EPB41: variants seen among roughly 807,000 people sequenced by gnomAD.
The protein encoded by EPB41 is protein 4.1.
Under a neutral mutation model 108.0 loss-of-function variants are expected in EPB41, and 65 were observed. That is an observed-to-expected ratio of 0.60 (90% CI 0.49 to 0.74). The LOEUF is 0.74. Ranked by LOEUF, EPB41 falls within the 30% of genes least tolerant of loss-of-function variation. The pLI is 0.00. For missense variants in EPB41, 875 were observed against 1,037.0 expected (o/e 0.84, Z 2.15); for synonymous variants, 336 against 358.9 (o/e 0.94, Z 0.72).
intron 1 of EPB41, among the ~76,000 whole-genome samples, chr1:28,915,235 G>T (rs115338907): frequency 6.6e-4 from 101 of 152,294 alleles, no homozygotes; most frequent in Non-Finnish European, 1.0e-3. Context: ...ACTGCAGGGA[G>T]CCCTGGCAAG....
intron 1 of EPB41, among the ~76,000 whole-genome samples, chr1:28,976,725 A>G (rs938335290): frequency 1.3e-5 from 2 of 151,728 alleles, no homozygotes; most frequent in African/African-American, 4.8e-5. Context: ...CTATTCAGCT[A>G]GTCTGGAATT....
rs746718791 is a variant in EPB41 at position 29,018,464 on chromosome 1, G to T, written c.1124+22G>T. 17 of 1,602,146 alleles carry T rather than the reference G, an allele frequency of 1.1e-5. No homozygotes were observed. The Admixed American group carries it at 2.8e-4, about 26-fold the overall frequency. ...ACAGGTGAATATGTCTCCAGGGTTT[G>T]TTCGGTGTTTGTTTTGGCGATTAGT... On this transcript the variant is annotated intron_variant, in intron 7 of 20. Transcript: ENST00000343067. This position sits in a 1 kb window ranked among gnomAD's most constrained non-coding sequence, Gnocchi z 4.4.
intron 16 of EPB41, among the ~76,000 whole-genome samples, chr1:29,086,873 T>A (rs916245653): frequency 6.6e-6 from 1 of 151,730 alleles, no homozygotes; most frequent in Non-Finnish European, 1.5e-5. Flanking sequence ...TTTAGAAAAA[T>A]TTTCAGGATA....
intron 16 of EPB41, among the ~76,000 whole-genome samples, chr1:29,087,315 C>T (rs1659464650): frequency 6.6e-6 from 1 of 152,108 alleles, no homozygotes; most frequent in Non-Finnish European, 1.5e-5. Flanking sequence ...GAAATAGACT[C>T]TGGATTGCAT....
chr1:28,889,219 C>G (rs142405136), intron 1 of EPB41, among the ~76,000 whole-genome samples: 1 of 152,146 alleles, frequency 6.6e-6, no homozygotes, highest in African/African-American at 2.4e-5. Flanking sequence ...CAGACCAGAA[C>G]GGTAGCTGGT....
chr1:29,070,367 C>T, intron 16 of EPB41: 1 of 1,232,064 alleles, frequency 8.1e-7, no homozygotes. Flanking sequence ...AAAGCAGACA[C>T]AGGAACGTGC....
chr1:28,923,673 T>C (rs958329663), intron 1 of EPB41, among the ~76,000 whole-genome samples: 7 of 152,198 alleles, frequency 4.6e-5, no homozygotes, highest in Non-Finnish European at 7.3e-5. Context: ...GGACACTGGT[T>C]AACAAGATAT....
At chr1:28,898,423 AC>A (rs1241886654) in intron 1 of EPB41, among the ~76,000 whole-genome samples, 1 of 150,898 alleles carries the variant, frequency 6.6e-6, no homozygotes, top group Non-Finnish European at 1.5e-5. Context: ...TCACTCACAT[AC>A]CCTGTCTATC....
At chr1:28,982,029 A>T (rs1242082437) in intron 1 of EPB41, among the ~76,000 whole-genome samples, 7 of 151,872 alleles carry the variant, frequency 4.6e-5, no homozygotes, top group African/African-American at 1.2e-4. Flanking sequence ...ATATCTCCTA[A>T]TGCTATCCCT....
intron 7 of EPB41, among the ~76,000 whole-genome samples, chr1:29,021,930 A>G (rs988073995): frequency 3.3e-5 from 5 of 152,164 alleles, no homozygotes; most frequent in African/African-American, 4.8e-5. Context: ...ATGACAAACT[A>G]TGATTATTCG....
At chr1:29,026,600 C>T (rs367952896) in intron 7 of EPB41, among the ~76,000 whole-genome samples, 12 of 152,080 alleles carry the variant, frequency 7.9e-5, no homozygotes, top group East Asian at 5.8e-4. Context: ...AATGAAAATT[C>T]GTGAGTCCAT....
At chr1:29,087,459 T>C (rs1393817547) in intron 16 of EPB41, among the ~76,000 whole-genome samples, 1 of 151,986 alleles carries the variant, frequency 6.6e-6, no homozygotes, top group Non-Finnish European at 1.5e-5. Context: ...ACGTCCTTGG[T>C]TCAAGCAATT....
intron 4 of EPB41, among the ~76,000 whole-genome samples, chr1:29,003,264 A>G (rs958651453): frequency 3.3e-5 from 5 of 152,250 alleles, no homozygotes; most frequent in Non-Finnish European, 7.3e-5. Flanking sequence ...ACAGAAGGTA[A>G]TAGAGCTATA....
intron 16 of EPB41, chr1:29,068,727 GACCAGGTGAA>G: frequency 1.6e-6 from 2 of 1,231,940 alleles, no homozygotes; most frequent in Non-Finnish European, 2.0e-6. Context: ...ATTTGTGTAT[GACCAGGTGAA>G]GAAAACTTCT....
At chr1:28,952,990 A>G (rs1441094439) in intron 1 of EPB41, among the ~76,000 whole-genome samples, 3 of 152,178 alleles carry the variant, frequency 2.0e-5, no homozygotes, top group Non-Finnish European at 2.9e-5. Flanking sequence ...CGGCCTCCCA[A>G]AGTGCCGGGA....
intron 1 of EPB41, among the ~76,000 whole-genome samples, chr1:28,915,272 G>A (rs750908853): frequency 5.9e-5 from 9 of 152,146 alleles, no homozygotes; most frequent in Non-Finnish European, 1.0e-4. Flanking sequence ...CGCCACCGAC[G>A]CCTGCATCAT....
intron 11 of EPB41, among the ~76,000 whole-genome samples, chr1:29,046,396 G>C (rs1048771903): frequency 2.0e-5 from 3 of 151,818 alleles, no homozygotes; most frequent in Non-Finnish European, 2.9e-5. Flanking sequence ...CAAAGTGCTG[G>C]GATTACAAGC....
At chr1:29,100,757 A>AATATATAAT (rs1259039268) in intron 17 of EPB41, among the ~76,000 whole-genome samples, 1 of 146,752 alleles carries the variant, frequency 6.8e-6, no homozygotes, top group African/African-American at 2.5e-5. Context: ...TTACACATTA[A>AATATATAAT]ATATATAATA....
rs1162235730 is a variant in EPB41 at position 29,119,437 on chromosome 1, C to T, written c.*2625C>T. ...AGACACACCACAGTAACAACTCTCG[C>T]TGCAATTTTATTTTAATTTGAGAAA... On this transcript the variant is annotated 3_prime_UTR_variant, in exon 21 of 21. Coordinates refer to ENST00000343067, the MANE Select transcript of EPB41 (RefSeq NM_001376013.1). 6.6e-6 allele frequency: 1 copy of T among 152,624 alleles called. No individual in the cohort carries two copies. The highest frequency in any genetic ancestry group is 1.5e-5 in the Non-Finnish European group (1 of 68,046). The allele number at this position is 152,624 out of a possible 1,614,324, so 9.5% of individuals were successfully genotyped here. A position where few individuals can be genotyped will look rare whatever the true frequency, so the allele number is the denominator to read the frequency against.
Sources: allele counts gnomAD v4.1 joint callset (sites outside exome capture counted in the v4.1 genomes callset), GRCh38; gene constraint gnomAD v4.1.1; non-coding constraint Gnocchi (gnomAD v3.1); transcripts MANE v1.5; gene names NCBI Gene and HGNC (gene_info 2026-07-23, HGNC 2026-07-21).